CYSLTR2: variants seen among roughly 807,000 people sequenced by gnomAD.
CYSLTR2 encodes G-protein coupled receptor GPCR21.
For synonymous variants in CYSLTR2, 179 were observed against 160.8 expected, an observed-to-expected ratio of 1.11 and a Z score of -0.86; for missense variants, 398 against 411.9, an observed-to-expected ratio of 0.97 and a Z score of 0.29.
chr13:48,704,320 C>T (rs1224894795), intron 4 of CYSLTR2, among the ~76,000 whole-genome samples: 4 of 152,070 alleles, frequency 2.6e-5, no homozygotes, highest in Non-Finnish European at 5.9e-5. Flanking sequence ...CTCAGAAGTT[C>T]AAGACCAGCC....
rs940119690 is a variant in CYSLTR2, at chr13:48,677,439, G to A, written c.-265-13773G>A. On this transcript the variant is annotated intron_variant, in intron 1 of 4. Transcript: ENST00000682523. ...CAGTTGGTCACAGAGTTTGGTAGGA[G>A]GAATCACTAGCATTTGATGCTCAGA... 1.3e-5 allele frequency among the ~76,000 whole-genome samples: 2 copies of A among 152,112 alleles called. 1 individual carries two copies. The highest frequency in any genetic ancestry group is 6.3e-3 in the Middle Eastern group (2 of 316).
At chr13:48,677,791 A>G (rs1192977846) in intron 1 of CYSLTR2, among the ~76,000 whole-genome samples, 2 of 151,190 alleles carry the variant, frequency 1.3e-5, no homozygotes, top group African/African-American at 2.4e-5. Context: ...TTCTTTTTTT[A>G]TTATTAGCTT....
intron 1 of CYSLTR2, among the ~76,000 whole-genome samples, chr13:48,681,242 C>T (rs1953747774): frequency 6.6e-6 from 1 of 152,124 alleles, no homozygotes; most frequent in South Asian, 2.1e-4. Flanking sequence ...TTGCCCTTGG[C>T]GTTGCTCTGA....
At chr13:48,665,677 C>T (rs1953243604) in intron 1 of CYSLTR2, among the ~76,000 whole-genome samples, 1 of 152,030 alleles carries the variant, frequency 6.6e-6, no homozygotes, top group African/African-American at 2.4e-5. Context: ...TTCGTCCCTT[C>T]ACATTTAGTC....
chr13:48,679,871 T>A (rs1413035836), intron 1 of CYSLTR2, among the ~76,000 whole-genome samples: 1 of 152,104 alleles, frequency 6.6e-6, no homozygotes, highest in African/African-American at 2.4e-5. Flanking sequence ...CGATGCCAAT[T>A]TACCAGAAGG....
chr13:48,663,324 G>A (rs139339253), intron 1 of CYSLTR2, among the ~76,000 whole-genome samples: 8 of 152,152 alleles, frequency 5.3e-5, no homozygotes, highest in African/African-American at 1.9e-4. Context: ...AGCTATTTGG[G>A]TTCTTTTGTG....
intron 1 of CYSLTR2, among the ~76,000 whole-genome samples, chr13:48,689,458 A>T (rs1953979773): frequency 6.6e-6 from 1 of 152,180 alleles, no homozygotes; most frequent in Non-Finnish European, 1.5e-5. Context: ...GTCCAGGTTC[A>T]GTTTTCTGTA....
rs762351462 is a variant in CYSLTR2, at chr13:48,707,212, T to G, written c.395T>G (p.Leu132Arg). 1.9e-5 allele frequency: 30 copies of G among 1,614,074 alleles called. No individual in the cohort carries two copies. In the Admixed American group the frequency reaches 5.0e-4, roughly 27 times the overall value. ...MYSSIYFLTV[L>R]SVVRFLAMVH... ...AGCAGTATTTATTTCCTGACCGTGCTGAGTGTTGTGCGTTTCCTGGCAATG... is the reference window on the plus strand; with the variant it reads ...AGCAGTATTTATTTCCTGACCGTGCGGAGTGTTGTGCGTTTCCTGGCAATG... The change falls in exon 5 of 5, where the codon CTG becomes CGG. Residue 132 changes from leucine (L) to arginine (R), a missense_variant. Transcript: ENST00000682523.
intron 1 of CYSLTR2, among the ~76,000 whole-genome samples, chr13:48,680,796 TTTTC>T (rs1174949952): frequency 0.029 from 2,137 of 72,482 alleles, 36 homozygotes; most frequent in African/African-American, 0.084. Context: ...TTTTCTTTTC[TTTTC>T]TTTTTTTTTT....
intron 1 of CYSLTR2, among the ~76,000 whole-genome samples, chr13:48,666,956 T>C (rs775545645): frequency 3.3e-5 from 5 of 152,234 alleles, no homozygotes; most frequent in Non-Finnish European, 5.9e-5. Context: ...TGGGGTGTCA[T>C]GTTTCCATGC....
At chr13:48,693,700 A>T (rs1335470228) in intron 3 of CYSLTR2, among the ~76,000 whole-genome samples, 190 bp downstream of exon 3, 5 of 152,152 alleles carry the variant, frequency 3.3e-5, no homozygotes, top group Admixed American at 1.3e-4. Context: ...ATTTTGGAAT[A>T]TAAAAAGAGT....
intron 4 of CYSLTR2, among the ~76,000 whole-genome samples, chr13:48,699,631 A>C (rs187700180): frequency 1.0e-3 from 153 of 152,310 alleles, no homozygotes; most frequent in African/African-American, 3.5e-3. Context: ...GAGCAAACAC[A>C]TTCAAAAGCT....
chr13:48,657,574 G>C (rs1054320491), intron 1 of CYSLTR2, among the ~76,000 whole-genome samples: 1 of 151,790 alleles, frequency 6.6e-6, no homozygotes, highest in African/African-American at 2.4e-5. Flanking sequence ...GTTTACTCTG[G>C]AAGTTTAAAT....
intron 3 of CYSLTR2, among the ~76,000 whole-genome samples, chr13:48,694,360 A>G (rs1307877421): frequency 6.6e-6 from 1 of 152,202 alleles, no homozygotes; most frequent in African/African-American, 2.4e-5. Context: ...TCCTTTCCTT[A>G]TGGACTTTTC....
chr13:48,656,763 A>G lies in CYSLTR2; in HGVS notation c.-266+2746A>G, dbSNP rs74649543. Among the ~76,000 whole-genome samples, 237 of 152,250 alleles carry G rather than the reference A, an allele frequency of 1.6e-3. 8 individuals are homozygous for G. In the East Asian group the frequency reaches 0.035, roughly 22 times the overall value. ...GCTCTGTGCACCAGATATCTGAGGC[A>G]CTCTAGTTCCCCAAGGGTAAGCCTT... On this transcript the variant is annotated intron_variant, in intron 1 of 4. Coordinates refer to ENST00000682523, the MANE Select transcript of CYSLTR2 (RefSeq NM_001308476.3).
chr13:48,669,116 T>C (rs1417685084), intron 1 of CYSLTR2, among the ~76,000 whole-genome samples: 1 of 152,120 alleles, frequency 6.6e-6, no homozygotes, highest in African/African-American at 2.4e-5. Context: ...ATCCCTTGGG[T>C]ATATACCCCG....
intron 3 of CYSLTR2, chr13:48,694,773 C>G (rs1954123263): frequency 6.6e-6 from 1 of 152,132 alleles, no homozygotes; most frequent in Non-Finnish European, 1.5e-5. Context: ...TGGGGATCAC[C>G]TCTTCAGGTG....
intron 1 of CYSLTR2, among the ~76,000 whole-genome samples, chr13:48,687,836 A>T (rs964657012): frequency 6.6e-6 from 1 of 152,254 alleles, no homozygotes; most frequent in African/African-American, 2.4e-5. Context: ...CGTAAGCCTT[A>T]TGTCCACATA....
At chr13:48,667,301 T>G (rs1211935229) in intron 1 of CYSLTR2, among the ~76,000 whole-genome samples, 1 of 152,166 alleles carries the variant, frequency 6.6e-6, no homozygotes, top group East Asian at 1.9e-4. Context: ...CAACGAACTA[T>G]GGGTTAAGTT....
Sources: allele counts gnomAD v4.1 joint callset (sites outside exome capture counted in the v4.1 genomes callset), GRCh38; gene constraint gnomAD v4.1.1; transcripts MANE v1.5; gene names NCBI Gene and HGNC (gene_info 2026-07-23, HGNC 2026-07-21).